The following SMARCC1 variants were observed in gnomAD, a reference collection of about 807,000 sequenced individuals.
The protein encoded by SMARCC1 is SWI/SNF complex subunit SMARCC1.
Under a neutral mutation model 147.4 loss-of-function variants are expected in SMARCC1, and 43 were observed. The ratio of observed to expected loss-of-function variants is 0.29; its 90% CI spans 0.23 to 0.38. SMARCC1 has a LOEUF of 0.38. Ranked by LOEUF, SMARCC1 falls within the 10% of genes least tolerant of loss-of-function variation. SMARCC1 has a pLI of 1.00. For missense variants in SMARCC1, 1,119 were observed against 1,381.1 expected, an observed-to-expected ratio of 0.81 and a Z score of 3.01; for synonymous variants, 495 against 484.4, an observed-to-expected ratio of 1.02 and a Z score of -0.29.
chr3:47,597,018 A>C lies in SMARCC1; in HGVS notation c.3044-6181T>G, dbSNP rs2032294748. 2.0e-5 allele frequency among the ~76,000 whole-genome samples: 3 copies of C among 151,998 alleles called. No homozygotes were observed. In the South Asian group the frequency reaches 6.2e-4, roughly 32 times the overall value. On this transcript the variant is annotated intron_variant, in intron 26 of 27. Coordinates refer to ENST00000254480, the MANE Select transcript of SMARCC1 (RefSeq NM_003074.4). ...AGACCAGCCTGACCAACATGATGAAAATAAAAAAATTAGCCAGGCGTGGTG... is the reference window on the plus strand; with the variant it reads ...AGACCAGCCTGACCAACATGATGAACATAAAAAAATTAGCCAGGCGTGGTG...
At chr3:47,741,736 C>A (rs557239667) in intron 3 of SMARCC1, among the ~76,000 whole-genome samples, 43 of 152,010 alleles carry the variant, frequency 2.8e-4, no homozygotes, top group African/African-American at 1.0e-3. Context: ...TCCAGGATAT[C>A]TATTTATTTT....
At position 47,709,041 on chromosome 3, in the gene SMARCC1, A is replaced by G. The variant is rs1187500433; in HGVS notation, c.918+1642T>C. On this transcript the variant is annotated intron_variant, in intron 9 of 27. Transcript: ENST00000254480. ...TTTGGGAAGCCAAGGCCGGTGGATC[A>G]ACTGAGGTCAGAAGTTCAAGATCAG... is the stretch of plus-strand genomic sequence containing the variant. 2.6e-5 allele frequency among the ~76,000 whole-genome samples: 4 copies of G among 152,226 alleles called. No individual in the cohort carries two copies. The East Asian group carries it at 7.7e-4, about 29-fold the overall frequency.
intron 18 of SMARCC1, among the ~76,000 whole-genome samples, chr3:47,672,048 C>CA (rs983906165): frequency 1.3e-5 from 2 of 149,682 alleles, no homozygotes; most frequent in Non-Finnish European, 3.0e-5. Context: ...TTCACTTGCA[C>CA]AAAAAAAAAT....
At chr3:47,686,704 G>T (rs1199048051) in intron 13 of SMARCC1, among the ~76,000 whole-genome samples, 1 of 151,962 alleles carries the variant, frequency 6.6e-6, no homozygotes, top group Non-Finnish European at 1.5e-5. Context: ...CCAAATTATG[G>T]GCTGGGCAAG....
chr3:47,645,191 G>T (rs1368450104), intron 21 of SMARCC1, among the ~76,000 whole-genome samples: 1 of 151,858 alleles, frequency 6.6e-6, no homozygotes, highest in Non-Finnish European at 1.5e-5. Flanking sequence ...AAAGAAGACT[G>T]CTTGATCCCA....
intron 10 of SMARCC1, among the ~76,000 whole-genome samples, chr3:47,703,500 A>T (rs2033951972): frequency 6.6e-6 from 1 of 152,204 alleles, no homozygotes; most frequent in Non-Finnish European, 1.5e-5. Flanking sequence ...CTTGTCTGGC[A>T]AAAATAAATA....
Position 47,676,618 on chromosome 3 carries a change from C to T in SMARCC1, c.1725+11G>A, listed in dbSNP as rs773117224. The T allele has an allele frequency of 6.2e-7, 1 of 1,611,570 alleles. No individual in the cohort carries two copies. Among genetic ancestry groups the T allele is most frequent in the East Asian group, 2.2e-5 (1 of 44,868 alleles). On this transcript the variant is annotated intron_variant, in intron 17 of 27. Coordinates refer to ENST00000254480, the MANE Select transcript of SMARCC1 (RefSeq NM_003074.4). Reference sequence around the variant, plus strand: ...CTATCCAGGTCTGATGAAAAGTCAACATTAATTTACCTGAGGTGATCGAAG... The same window carrying T: ...CTATCCAGGTCTGATGAAAAGTCAATATTAATTTACCTGAGGTGATCGAAG...
At chr3:47,730,417 G>A (rs2034357059) in intron 5 of SMARCC1, among the ~76,000 whole-genome samples, 1 of 152,240 alleles carries the variant, frequency 6.6e-6, no homozygotes, top group Middle Eastern at 3.4e-3. Flanking sequence ...AGAGTTCAAG[G>A]TTGCAGTGAA....
chr3:47,764,202 A>G (rs1247167398), intron 2 of SMARCC1, among the ~76,000 whole-genome samples: 2 of 151,988 alleles, frequency 1.3e-5, no homozygotes, highest in Non-Finnish European at 2.9e-5. Context: ...ATGCACGACT[A>G]ATTTTTAGTT....
At chr3:47,704,115 T>A (rs1228523028) in intron 10 of SMARCC1, among the ~76,000 whole-genome samples, 2 of 152,096 alleles carry the variant, frequency 1.3e-5, no homozygotes, top group African/African-American at 2.4e-5. Context: ...ATTTATTTTT[T>A]AAACAAAAGG....
chr3:47,708,857 C>A (rs989624603), intron 9 of SMARCC1, among the ~76,000 whole-genome samples: 1 of 152,196 alleles, frequency 6.6e-6, no homozygotes, highest in Admixed American at 6.5e-5. Flanking sequence ...CCAGGCTGGT[C>A]TCAAACTTCT....
At chr3:47,623,526 A>T (rs922432407) in intron 24 of SMARCC1, among the ~76,000 whole-genome samples, 4 of 152,200 alleles carry the variant, frequency 2.6e-5, no homozygotes, top group Non-Finnish European at 4.4e-5. Context: ...AAGATTCAGA[A>T]ATGTAGACAA....
At chr3:47,597,137 C>T (rs1176671775) in intron 26 of SMARCC1, among the ~76,000 whole-genome samples, 3 of 135,834 alleles carry the variant, frequency 2.2e-5, no homozygotes, top group Non-Finnish European at 4.6e-5. Context: ...GGCGACAGGG[C>T]GAGACTCAGT....
At chr3:47,618,329 G>A (rs2032675598) in intron 25 of SMARCC1, among the ~76,000 whole-genome samples, 1 of 151,896 alleles carries the variant, frequency 6.6e-6, no homozygotes, top group Non-Finnish European at 1.5e-5. Flanking sequence ...ACTGCTTGAG[G>A]CAAGGAGTTT....
intron 11 of SMARCC1, among the ~76,000 whole-genome samples, chr3:47,698,957 G>T (rs537734268): frequency 6.6e-6 from 1 of 152,094 alleles, no homozygotes; most frequent in African/African-American, 2.4e-5. Context: ...TCAGCAAATG[G>T]TATACAAACA....
intron 9 of SMARCC1, among the ~76,000 whole-genome samples, chr3:47,709,599 T>C: frequency 6.6e-6 from 1 of 151,936 alleles, no homozygotes; most frequent in East Asian, 1.9e-4. Context: ...GGCAGGAGGA[T>C]AGCTTGAACC....
At position 47,706,294 on chromosome 3, in the gene SMARCC1, A is replaced by T. The variant is rs548111583; in HGVS notation, c.1040+115T>A. The T allele has an allele frequency of 1.6e-5, 15 of 956,824 alleles. No homozygotes were observed. The South Asian group carries it at 4.4e-4, about 28-fold the overall frequency. The allele number at this position is 956,824 out of a possible 1,614,324, so 59.3% of individuals were successfully genotyped here. ...ACCATGTTGGCCAGGCTGGATTTGA[A>T]CTACTGACCTCAGTTGATCTGCCCA... On this transcript the variant is annotated intron_variant, in intron 10 of 27. Transcript: ENST00000254480.
At chr3:47,709,528 A>G (rs2034058984) in intron 9 of SMARCC1, among the ~76,000 whole-genome samples, 1 of 151,770 alleles carries the variant, frequency 6.6e-6, no homozygotes, top group Non-Finnish European at 1.5e-5. Flanking sequence ...TCTACTAAAA[A>G]TACAAAAATT....
rs1358321829 is a variant in SMARCC1 at position 47,755,536 on chromosome 3, AT to A, written c.316-9544del. The stretch of plus-strand genomic sequence containing the variant: ...GAAAAACTAATTAAATAAAAAGCGA[AT>A]TTAAAAAAAAAAAGAATTATAAGTT... On this transcript the variant is annotated intron_variant, in intron 2 of 27. Coordinates refer to ENST00000254480, the MANE Select transcript of SMARCC1 (RefSeq NM_003074.4). Among the ~76,000 whole-genome samples the A allele has an allele frequency of 4.0e-5, 6 of 149,222 alleles. No homozygotes were observed. The East Asian group carries it at 1.0e-3, about 25-fold the overall frequency.
Sources: allele counts gnomAD v4.1 joint callset (sites outside exome capture counted in the v4.1 genomes callset), GRCh38; gene constraint gnomAD v4.1.1; transcripts MANE v1.5; gene names NCBI Gene and HGNC (gene_info 2026-07-23, HGNC 2026-07-21).